Variants in CSMD3 observed in about 807,000 individuals in gnomAD.
The protein encoded by CSMD3 is CUB and Sushi multiple domains 3, also known as CUB and sushi domain-containing protein 3.
A neutral mutation model predicts 435.2 loss-of-function variants in CSMD3; 177 were observed. The observed-to-expected ratio is 0.41, with a 90% CI of 0.36 to 0.46. CSMD3 has a LOEUF of 0.46. Among genes scored for constraint, CSMD3 ranks in the 20% least tolerant of loss-of-function variants. CSMD3 has a pLI of 0.34. For missense variants in CSMD3, 4,265 were observed against 4,504.6 expected, an observed-to-expected ratio of 0.95 and a Z score of 1.52; for synonymous variants, 1,656 against 1,520.5, an observed-to-expected ratio of 1.09 and a Z score of -2.07.
intron 1 of CSMD3, among the ~76,000 whole-genome samples, chr8:113,407,535 A>T (rs1485817712): frequency 6.6e-6 from 1 of 151,936 alleles, no homozygotes; most frequent in East Asian, 1.9e-4. Context: ...TGACTTTAAT[A>T]TTGGAGATAC....
At chr8:112,490,751 A>C (rs1820608440) in intron 31 of CSMD3, among the ~76,000 whole-genome samples, 1 of 152,088 alleles carries the variant, frequency 6.6e-6, no homozygotes, top group Non-Finnish European at 1.5e-5. Flanking sequence ...TTCTATGTTT[A>C]ATATTTTTTT....
At chr8:113,018,845 T>G (rs2086572632) in intron 6 of CSMD3, 1 of 541,808 alleles carries the variant, frequency 1.8e-6, no homozygotes, top group African/African-American at 1.9e-5. Context: ...CTTTTAGAAA[T>G]CATAATATTC....
chr8:113,238,348 G>T (rs2093173673), intron 3 of CSMD3, among the ~76,000 whole-genome samples: 1 of 152,160 alleles, frequency 6.6e-6, no homozygotes, highest in Non-Finnish European at 1.5e-5. Flanking sequence ...TTTCCCCAAG[G>T]GGAAAACATC....
chr8:113,101,881 G>T (rs1283578822), intron 4 of CSMD3, among the ~76,000 whole-genome samples: 1 of 151,768 alleles, frequency 6.6e-6, no homozygotes. Flanking sequence ...ATTTTGGTTT[G>T]GTGTCCCTAC....
intron 6 of CSMD3, among the ~76,000 whole-genome samples, chr8:112,993,891 G>T (rs1396389632): frequency 6.6e-6 from 1 of 151,714 alleles, no homozygotes; most frequent in Non-Finnish European, 1.5e-5. Context: ...GATACATGTA[G>T]GAGTTATTCA....
intron 56 of CSMD3, 59 bp downstream of exon 56, chr8:112,291,451 A>G: frequency 8.8e-7 from 1 of 1,134,410 alleles, no homozygotes; most frequent in Non-Finnish European, 1.3e-6. Flanking sequence ...TAAAGATGAT[A>G]AACATTCCTA....
chr8:112,909,549 A>G lies in CSMD3; in HGVS notation c.1633+12078T>C, dbSNP rs567592139. Among the ~76,000 whole-genome samples, 14 of 151,960 alleles carry G rather than the reference A, an allele frequency of 9.2e-5. No individual in the cohort carries two copies. In the East Asian group the frequency reaches 2.7e-3, roughly 30 times the overall value. ...ATGTTGAAATGTTGATACTTTTGACAAACTTTAAAAAAAATTCATGCTTCA... is the reference window on the plus strand; with the variant it reads ...ATGTTGAAATGTTGATACTTTTGACGAACTTTAAAAAAAATTCATGCTTCA... On this transcript the variant is annotated intron_variant, in intron 10 of 70. Coordinates refer to ENST00000297405, the MANE Select transcript of CSMD3 (RefSeq NM_198123.2).
chr8:112,377,785 T>C (rs141020805), intron 38 of CSMD3, among the ~76,000 whole-genome samples: 62 of 152,200 alleles, frequency 4.1e-4, no homozygotes, highest in Admixed American at 7.9e-4. Context: ...AGTATTTGAA[T>C]GTATGTGACA....
At position 112,980,787 on chromosome 8, in the gene CSMD3, C is replaced by T. The variant is rs75587122; in HGVS notation, c.1031-4639G>A. Among the ~76,000 whole-genome samples the T allele has an allele frequency of 5.3e-3, 804 of 151,316 alleles. 12 individuals carry two copies. The highest frequency in any genetic ancestry group is 0.018 in the African/African-American group (749 of 41,394). On this transcript the variant is annotated intron_variant, in intron 6 of 70. Coordinates refer to ENST00000297405, the MANE Select transcript of CSMD3 (RefSeq NM_198123.2). ...GTTTTCATTAAGCGTATGCTAGTTG[C>T]GAAAATAATTGAAATATTTTGCATT...
chr8:112,992,085 T>C (rs2085476741), intron 6 of CSMD3, among the ~76,000 whole-genome samples: 1 of 151,912 alleles, frequency 6.6e-6, no homozygotes, highest in Non-Finnish European at 1.5e-5. Context: ...AAAGAATCAC[T>C]GGGCTAGAAA....
chr8:112,423,861 T>A (rs1273730725), intron 32 of CSMD3, among the ~76,000 whole-genome samples: 3 of 152,172 alleles, frequency 2.0e-5, no homozygotes, highest in Non-Finnish European at 2.9e-5. Flanking sequence ...TTTATATATA[T>A]ATACATATGT....
At chr8:113,069,835 A>G (rs2089026978) in intron 5 of CSMD3, among the ~76,000 whole-genome samples, 1 of 152,096 alleles carries the variant, frequency 6.6e-6, no homozygotes, top group African/African-American at 2.4e-5. Context: ...GTCTTGCTGT[A>G]TCCACCTGCT....
At chr8:112,979,631 T>G (rs2130954905) in intron 6 of CSMD3, among the ~76,000 whole-genome samples, 1 of 151,658 alleles carries the variant, frequency 6.6e-6, no homozygotes, top group Admixed American at 6.6e-5. Context: ...TTACTTTCAT[T>G]TTTGAAAAAA....
At chr8:113,406,088 G>A (rs2094531614) in intron 1 of CSMD3, among the ~76,000 whole-genome samples, 1 of 151,728 alleles carries the variant, frequency 6.6e-6, no homozygotes, top group African/African-American at 2.4e-5. Flanking sequence ...TTCAAAATAA[G>A]GAAGAAAACA....
intron 10 of CSMD3, among the ~76,000 whole-genome samples, chr8:112,884,062 A>T (rs2081521740): frequency 6.6e-6 from 1 of 151,852 alleles, no homozygotes; most frequent in Non-Finnish European, 1.5e-5. Flanking sequence ...CCTTTTCAAG[A>T]CTGTAGTTAA....
intron 13 of CSMD3, among the ~76,000 whole-genome samples, chr8:112,699,847 C>G (rs1479119152): frequency 1.3e-5 from 2 of 151,996 alleles, no homozygotes; most frequent in Non-Finnish European, 2.9e-5. Context: ...AAGGTCATGA[C>G]AGATAGGGAA....
chr8:113,281,020 T>G (rs1204681015), intron 2 of CSMD3, among the ~76,000 whole-genome samples: 1 of 151,970 alleles, frequency 6.6e-6, no homozygotes, highest in African/African-American at 2.4e-5. Context: ...TCTAAGACAG[T>G]GCTTGATATA....
chr8:112,277,661 A>G (rs1041692295), intron 59 of CSMD3, among the ~76,000 whole-genome samples: 3 of 152,184 alleles, frequency 2.0e-5, no homozygotes, highest in African/African-American at 7.2e-5. Flanking sequence ...GCTGAAAAAG[A>G]CATACCCAAG....
intron 48 of CSMD3, 34 bp from the exon 49 acceptor site, chr8:112,314,086 C>G (rs555745578): frequency 6.7e-7 from 1 of 1,491,340 alleles, no homozygotes; most frequent in South Asian, 1.1e-5. Context: ...TTAGATAAAG[C>G]TAATTATATT....
Sources: allele counts gnomAD v4.1 joint callset (sites outside exome capture counted in the v4.1 genomes callset), GRCh38; gene constraint gnomAD v4.1.1; transcripts MANE v1.5; gene names NCBI Gene and HGNC (gene_info 2026-07-23, HGNC 2026-07-21).